The following OPCML variants were observed in gnomAD, a reference collection of about 807,000 sequenced individuals.
The protein encoded by OPCML is opioid binding protein/cell adhesion molecule like.
OPCML carries 13 observed loss-of-function variants against 37.8 expected under a neutral mutation model. The observed-to-expected ratio is 0.34, with a 90% CI of 0.22 to 0.55. The LOEUF (loss-of-function observed/expected upper bound fraction) is 0.55, where lower values mean the gene tolerates loss of function less well. Ranked by LOEUF, OPCML falls within the 20% of genes least tolerant of loss-of-function variation. The probability of loss-of-function intolerance (pLI) is 0.91; values close to 1 mark genes in which losing one functional copy is unlikely to be tolerated. For synonymous variants in OPCML, 176 were observed against 168.8 expected, an observed-to-expected ratio of 1.04 and a Z score of -0.33; for missense variants, 341 against 435.6, an observed-to-expected ratio of 0.78 and a Z score of 1.93.
chr11:132,455,352 C>T (rs2136875263), intron 4 of OPCML, among the ~76,000 whole-genome samples: 1 of 152,132 alleles, frequency 6.6e-6, no homozygotes, highest in East Asian at 1.9e-4. Flanking sequence ...CGGTGAGATT[C>T]CCTTAACTCA....
chr11:132,785,562 T>A (rs1947181440), intron 2 of OPCML, among the ~76,000 whole-genome samples: 1 of 152,188 alleles, frequency 6.6e-6, no homozygotes, highest in African/African-American at 2.4e-5. Context: ...TACAATGCAA[T>A]GCTCCCTAGT....
chr11:132,961,009 C>G (rs985989090), intron 1 of OPCML, among the ~76,000 whole-genome samples: 5 of 152,158 alleles, frequency 3.3e-5, no homozygotes, highest in Non-Finnish European at 5.9e-5. Flanking sequence ...CTAGCAGCCT[C>G]CATCTAGAGC....
At chr11:133,314,046 T>C (rs902693675) in intron 1 of OPCML, among the ~76,000 whole-genome samples, 3 of 151,056 alleles carry the variant, frequency 2.0e-5, no homozygotes, top group South Asian at 2.1e-4. Flanking sequence ...CCATCCCGGC[T>C]AACACGGTGA....
intron 1 of OPCML, among the ~76,000 whole-genome samples, chr11:133,386,743 C>T (rs1001895103): frequency 5.3e-5 from 8 of 152,248 alleles, no homozygotes; most frequent in African/African-American, 1.2e-4. Context: ...ACGCACCCCA[C>T]CTTTCCTTTT....
intron 1 of OPCML, among the ~76,000 whole-genome samples, chr11:133,100,447 G>A (rs1403603248): frequency 6.6e-6 from 1 of 152,112 alleles, no homozygotes; most frequent in African/African-American, 2.4e-5. Context: ...AAGTTATTTT[G>A]CAAATACTGA....
At chr11:132,949,205 C>G (rs1392764677) in intron 1 of OPCML, among the ~76,000 whole-genome samples, 1 of 151,920 alleles carries the variant, frequency 6.6e-6, no homozygotes, top group African/African-American at 2.4e-5. Flanking sequence ...TAAGGCGACC[C>G]ACCTGGGAAA....
Position 133,207,481 on chromosome 11 carries a change from A to G in OPCML, c.62-264471T>C, listed in dbSNP as rs1939131069. Among the ~76,000 whole-genome samples, 4 of 152,312 alleles carry G rather than the reference A, an allele frequency of 2.6e-5. No homozygotes were observed. The South Asian group carries it at 8.3e-4, about 32-fold the overall frequency. On this transcript the variant is annotated intron_variant, in intron 1 of 7. Transcript: ENST00000524381. ...CAGTTTAAAGGGTTTAAACTGTCAT[A>G]CCGTGATTCTAATTTCAGATCTGCC... is the stretch of plus-strand genomic sequence containing the variant.
Position 133,410,634 on chromosome 11 carries a change from T to TAAAAAAAAAA in OPCML, c.61+121620_61+121629dup, listed in dbSNP as rs71038527. ...TGAAAGCACACGTTAAGAAAAAAAG[T>TAAAAAAAAAA]AAAAAAAAAAAAAAAAAAAAAAAAA... On this transcript the variant is annotated intron_variant, in intron 1 of 7. Transcript: ENST00000524381. Among the ~76,000 whole-genome samples, 23 of 47,016 alleles carry TAAAAAAAAAA rather than the reference T, an allele frequency of 4.9e-4. 6 individuals are homozygous for TAAAAAAAAAA. Among genetic ancestry groups the TAAAAAAAAAA allele is most frequent in the East Asian group, 8.7e-4 (1 of 1,152 alleles). 30.8% of individuals were successfully genotyped at this position (47,016 alleles called of 152,430 possible). A position where few individuals can be genotyped will look rare whatever the true frequency, so the allele number is the denominator to read the frequency against.
At chr11:133,392,262 T>G (rs1214950915) in intron 1 of OPCML, among the ~76,000 whole-genome samples, 1 of 152,128 alleles carries the variant, frequency 6.6e-6, no homozygotes, top group African/African-American at 2.4e-5. Flanking sequence ...GTTAAGGTAT[T>G]TATATAAGAT....
chr11:133,081,840 C>T (rs940511845), intron 1 of OPCML, among the ~76,000 whole-genome samples: 1 of 152,094 alleles, frequency 6.6e-6, no homozygotes, highest in South Asian at 2.1e-4. Flanking sequence ...CGCCCCTCCC[C>T]GCCCCTCTCC....
At chr11:132,591,470 A>G (rs1305916043) in intron 3 of OPCML, among the ~76,000 whole-genome samples, 1 of 152,152 alleles carries the variant, frequency 6.6e-6, no homozygotes, top group Admixed American at 6.5e-5. Context: ...TCCTTTAGCA[A>G]TATTAAGTAC....
chr11:133,349,679 TG>T (rs1196169381), intron 1 of OPCML, among the ~76,000 whole-genome samples: 1 of 152,208 alleles, frequency 6.6e-6, no homozygotes, highest in Non-Finnish European at 1.5e-5. Context: ...GACTTTGTTC[TG>T]TCTGTGGCCA....
At chr11:133,271,372 C>T (rs1287730585) in intron 1 of OPCML, among the ~76,000 whole-genome samples, 1 of 152,140 alleles carries the variant, frequency 6.6e-6, no homozygotes, top group Non-Finnish European at 1.5e-5. Context: ...TGGATCTTTG[C>T]CTGACATTGA....
At chr11:132,875,558 G>A (rs976349349) in intron 2 of OPCML, among the ~76,000 whole-genome samples, 2 of 150,362 alleles carry the variant, frequency 1.3e-5, no homozygotes, top group Non-Finnish European at 2.9e-5. Flanking sequence ...TCTACCTCCC[G>A]GATTCAAGCA....
At chr11:133,140,781 A>AGAAGAAGAAGAC (rs1555102394) in intron 1 of OPCML, among the ~76,000 whole-genome samples, 6 of 138,408 alleles carry the variant, frequency 4.3e-5, no homozygotes, top group African/African-American at 1.7e-4. Flanking sequence ...AAGAAGAAGA[A>AGAAGAAGAAGAC]GACGACGAAG....
chr11:132,648,231 T>G (rs1941252908), intron 3 of OPCML, among the ~76,000 whole-genome samples: 1 of 152,162 alleles, frequency 6.6e-6, no homozygotes, highest in Admixed American at 6.5e-5. Context: ...TCAGGAGAGT[T>G]TATGAACATT....
At chr11:132,421,762 A>G (rs1456608548) in intron 7 of OPCML, among the ~76,000 whole-genome samples, 1 of 152,158 alleles carries the variant, frequency 6.6e-6, no homozygotes, top group African/African-American at 2.4e-5. Context: ...GTCCCAGAGG[A>G]GGCTCCATAG....
At chr11:133,514,056 A>C (rs1170598756) in intron 1 of OPCML, among the ~76,000 whole-genome samples, 1 of 152,208 alleles carries the variant, frequency 6.6e-6, no homozygotes, top group Non-Finnish European at 1.5e-5. Context: ...CAAATTATGC[A>C]AGATAAAGAG....
intron 1 of OPCML, among the ~76,000 whole-genome samples, chr11:133,144,173 A>C (rs1292846534): frequency 6.6e-6 from 1 of 152,138 alleles, no homozygotes; most frequent in Non-Finnish European, 1.5e-5. Context: ...CACTAGAAAA[A>C]CAGGGAAAAA....
Sources: gnomAD v4.1 joint callset for allele counts (sites outside exome capture counted in the v4.1 genomes callset) on GRCh38, gnomAD v4.1.1 for gene constraint, MANE v1.5 for transcripts, NCBI Gene and HGNC (gene_info 2026-07-23, HGNC 2026-07-21) for gene names.